The following SH3GL2 variants were observed in gnomAD, a reference collection of about 807,000 sequenced individuals.
SH3GL2 encodes the protein SH3 domain containing GRB2 like 2, endophilin A1.
Under a neutral mutation model 46.0 loss-of-function variants are expected in SH3GL2, and 24 were observed. The ratio of observed to expected loss-of-function variants is 0.52; its 90% confidence interval spans 0.38 to 0.73. The LOEUF (loss-of-function observed/expected upper bound fraction) is 0.73, where lower values mean the gene tolerates loss of function less well. Among genes scored for constraint, SH3GL2 ranks in the 30% least tolerant of loss-of-function variants. The probability of loss-of-function intolerance (pLI) is 0.00; values close to 1 mark genes in which losing one functional copy is unlikely to be tolerated. For synonymous variants in SH3GL2, 196 were observed against 147.1 expected, an observed-to-expected ratio of 1.33 and a Z score of -2.40; for missense variants, 413 against 424.2, an observed-to-expected ratio of 0.97 and a Z score of 0.23.
chr9:17,733,251 T>G (rs1416221828), intron 1 of SH3GL2, among the ~76,000 whole-genome samples: 3 of 152,032 alleles, frequency 2.0e-5, no homozygotes, highest in South Asian at 2.1e-4. Flanking sequence ...TCACATTCTC[T>G]TTTTTTAAAT....
At chr9:17,608,135 G>A (rs1588169558) in intron 1 of SH3GL2, among the ~76,000 whole-genome samples, 1 of 143,308 alleles carries the variant, frequency 7.0e-6, no homozygotes, top group South Asian at 2.2e-4. Flanking sequence ...TTTAGAATTT[G>A]TAAGCTTTCC....
At chr9:17,657,115 A>C (rs1292887046) in intron 1 of SH3GL2, among the ~76,000 whole-genome samples, 1 of 152,230 alleles carries the variant, frequency 6.6e-6, no homozygotes, top group Non-Finnish European at 1.5e-5. Flanking sequence ...AGAGAAAAGT[A>C]GTCTGAAAAG....
At chr9:17,596,755 C>T (rs1046398256) in intron 1 of SH3GL2, among the ~76,000 whole-genome samples, 11 of 152,196 alleles carry the variant, frequency 7.2e-5, no homozygotes, top group African/African-American at 2.4e-4. Context: ...ATATTCTTCT[C>T]AGCAACCCAA....
chr9:17,746,697 G>A (rs1004879253), intron 1 of SH3GL2, among the ~76,000 whole-genome samples: 1 of 152,146 alleles, frequency 6.6e-6, no homozygotes, highest in Non-Finnish European at 1.5e-5. Flanking sequence ...TGCATAGGTA[G>A]CATTTGAGAT....
intron 1 of SH3GL2, among the ~76,000 whole-genome samples, chr9:17,711,480 C>T (rs898612145): frequency 6.6e-6 from 1 of 151,824 alleles, no homozygotes; most frequent in African/African-American, 2.4e-5. Flanking sequence ...GTAATTCCTC[C>T]ATTTCCCCAG....
Position 17,795,534 on chromosome 9 carries a change from T to G in SH3GL2, c.860-10T>G, listed in dbSNP as rs1332721694. 6.2e-7 allele frequency: 1 copy of G among 1,611,104 alleles called. No homozygotes were observed. The highest frequency in any genetic ancestry group is 2.2e-5 in the East Asian group (1 of 44,830). On this transcript the variant is annotated splice_polypyrimidine_tract_variant and intron_variant, in intron 8 of 8. Transcript: ENST00000380607. ...TGTGTTCTTCTCTTCTCTCCTGCTC[T>G]TACTCCCAGGTGTCCAAATGGATCA... is the stretch of plus-strand genomic sequence containing the variant.
intron 1 of SH3GL2, among the ~76,000 whole-genome samples, chr9:17,683,894 A>T (rs1412058159): frequency 6.6e-6 from 1 of 152,110 alleles, no homozygotes; most frequent in African/African-American, 2.4e-5. Flanking sequence ...GCCTAAATTC[A>T]GCTCTCAACT....
chr9:17,662,408 C>G (rs1005353837), intron 1 of SH3GL2, among the ~76,000 whole-genome samples: 1 of 152,094 alleles, frequency 6.6e-6, no homozygotes, highest in African/African-American at 2.4e-5. Flanking sequence ...GCTATGATTT[C>G]CCATGAATTC....
At chr9:17,657,635 T>C (rs1166424586) in intron 1 of SH3GL2, among the ~76,000 whole-genome samples, 18 of 152,332 alleles carry the variant, frequency 1.2e-4, no homozygotes, top group Admixed American at 6.5e-5. Context: ...GCTTTGTATA[T>C]AGGGAAAATG....
In SH3GL2 at chr9:17,623,321, G is replaced by A. The variant is rs1456968325; in HGVS notation, c.45+44034G>A. ...AGGAGCTTGTGGGAAGCTAGCTGGCGAGGTTCAGAAAGTAGAGTTGTGGGA... is the reference window on the plus strand; with the variant it reads ...AGGAGCTTGTGGGAAGCTAGCTGGCAAGGTTCAGAAAGTAGAGTTGTGGGA... On this transcript the variant is annotated intron_variant, in intron 1 of 8. Transcript: ENST00000380607. 3.9e-5 allele frequency among the ~76,000 whole-genome samples: 6 copies of A among 152,184 alleles called. No homozygotes were observed. The East Asian group carries it at 1.2e-3, about 29-fold the overall frequency.
chr9:17,779,758 A>G (rs1408635953), intron 3 of SH3GL2, among the ~76,000 whole-genome samples: 5 of 152,130 alleles, frequency 3.3e-5, no homozygotes, highest in Non-Finnish European at 4.4e-5. Flanking sequence ...TTGTCAGATA[A>G]GTTGGTTTTC....
At chr9:17,734,211 C>G (rs1431793293) in intron 1 of SH3GL2, among the ~76,000 whole-genome samples, 1 of 152,006 alleles carries the variant, frequency 6.6e-6, no homozygotes, top group African/African-American at 2.4e-5. Context: ...TTTAATTTAC[C>G]TGGATTTTTG....
intron 1 of SH3GL2, among the ~76,000 whole-genome samples, chr9:17,609,158 A>G (rs1331552068): frequency 6.6e-6 from 1 of 152,298 alleles, no homozygotes; most frequent in African/African-American, 2.4e-5. Flanking sequence ...ACAGCCCGAT[A>G]AAGTAGTTTT....
At chr9:17,738,661 G>GAGAGAGAGAGAGAGAC (rs371733137) in intron 1 of SH3GL2, among the ~76,000 whole-genome samples, 49 of 132,170 alleles carry the variant, frequency 3.7e-4, no homozygotes, top group African/African-American at 1.3e-3. Context: ...GAGAGAGAGA[G>GAGAGAGAGAGAGAGAC]AGAGAGAGAG....
chr9:17,615,941 G>T (rs2038519), intron 1 of SH3GL2, among the ~76,000 whole-genome samples: 55,467 of 151,876 alleles, frequency 0.37, 10,546 homozygotes, highest in East Asian at 0.58. Flanking sequence ...AAAAATTGTT[G>T]TTCTGTGAAT....
chr9:17,767,883 C>A (rs961390172), intron 3 of SH3GL2, among the ~76,000 whole-genome samples: 1 of 152,104 alleles, frequency 6.6e-6, no homozygotes, highest in Non-Finnish European at 1.5e-5. Context: ...TGATATAATT[C>A]ATATACTAAT....
intron 1 of SH3GL2, chr9:17,590,233 C>CT (rs1313346692): frequency 6.6e-6 from 1 of 152,190 alleles, no homozygotes; most frequent in Non-Finnish European, 1.5e-5. Flanking sequence ...TATTTTACTG[C>CT]TTAAGTGGCT....
intron 3 of SH3GL2, among the ~76,000 whole-genome samples, chr9:17,779,141 A>G (rs1823728083): frequency 6.6e-6 from 1 of 152,084 alleles, no homozygotes; most frequent in Non-Finnish European, 1.5e-5. Flanking sequence ...TTGCTTGCTT[A>G]TATCCCCAAG....
At chr9:17,757,512 C>T (rs186956204) in intron 2 of SH3GL2, among the ~76,000 whole-genome samples, 46 of 152,308 alleles carry the variant, frequency 3.0e-4, no homozygotes, top group Non-Finnish European at 2.4e-4. Flanking sequence ...AACAGTTTCA[C>T]TTTCTTTAAA....
Sources: allele counts gnomAD v4.1 joint callset (sites outside exome capture counted in the v4.1 genomes callset), GRCh38; gene constraint gnomAD v4.1.1; transcripts MANE v1.5; gene names NCBI Gene and HGNC (gene_info 2026-07-23, HGNC 2026-07-21).